Variants in CMIP observed in about 807,000 individuals in gnomAD.
The protein encoded by CMIP is c-Maf inducing protein, also known as C-Maf-inducing protein.
A neutral mutation model predicts 97.3 loss-of-function variants in CMIP; 13 were observed. The ratio of observed to expected loss-of-function variants is 0.13; its 90% CI spans 0.09 to 0.21. The LOEUF is 0.21. CMIP is among the 10% of genes least tolerant of loss of function. The pLI is 1.00. For missense variants in CMIP, 847 were observed against 1,024.9 expected, an observed-to-expected ratio of 0.83 and a Z score of 2.37; for synonymous variants, 538 against 436.3, an observed-to-expected ratio of 1.23 and a Z score of -2.91.
rs1597204171 is a variant in CMIP at position 81,655,515 on chromosome 16, A to G, written c.640-2260A>G. ...CCTCTAATGCAGTGGCTATTGGTGG[A>G]CATGCTCTACCAGGGGTGGAAAATG... On this transcript the variant is annotated intron_variant, in intron 4 of 20. Transcript: ENST00000537098. This position sits in a 1 kb window ranked among gnomAD's most constrained non-coding sequence, Gnocchi z 4.9. Among the ~76,000 whole-genome samples, 1 of 152,178 alleles carries G rather than the reference A, an allele frequency of 6.6e-6. No individual in the cohort carries two copies.
intron 1 of CMIP, among the ~76,000 whole-genome samples, chr16:81,487,349 C>A (rs553894642): frequency 6.6e-6 from 1 of 152,208 alleles, no homozygotes; most frequent in Non-Finnish European, 1.5e-5. Flanking sequence ...CTGAGGAACC[C>A]GCTTCAAACC....
At chr16:81,474,360 A>C (rs1907752538) in intron 1 of CMIP, among the ~76,000 whole-genome samples, 2 of 149,534 alleles carry the variant, frequency 1.3e-5, no homozygotes. Context: ...CTCTTTTTCC[A>C]TTCCTCCCTT....
intron 3 of CMIP, among the ~76,000 whole-genome samples, chr16:81,626,259 G>C (rs1385663409): frequency 1.3e-5 from 2 of 152,146 alleles, no homozygotes; most frequent in Non-Finnish European, 2.9e-5. Flanking sequence ...GTGTGTGTGA[G>C]AGCGAGAGTG....
chr16:81,452,023 T>G (rs531503929), intron 1 of CMIP, among the ~76,000 whole-genome samples: 1 of 151,800 alleles, frequency 6.6e-6, no homozygotes, highest in Admixed American at 6.6e-5. Flanking sequence ...GTGGGGGAGG[T>G]GTTTGCTGTG....
chr16:81,647,765 A>G (rs902042033), intron 3 of CMIP, among the ~76,000 whole-genome samples: 2 of 151,966 alleles, frequency 1.3e-5, no homozygotes, highest in African/African-American at 2.4e-5. Flanking sequence ...AGGCATGCTA[A>G]TTTGTCACCT....
At chr16:81,518,162 C>T (rs938099968) in intron 1 of CMIP, 1 of 152,268 alleles carries the variant, frequency 6.6e-6, no homozygotes, top group Non-Finnish European at 1.5e-5. Context: ...TGGCTAAAGC[C>T]TGTGGATCAT....
chr16:81,620,785 C>G (rs74031223), intron 2 of CMIP, 91 bp from the exon 3 acceptor site: 36,350 of 1,461,278 alleles, frequency 0.025, 1,812 homozygotes, highest in East Asian at 0.19. Context: ...GTCTACAGAG[C>G]AGGCTTGGGG....
intron 1 of CMIP, among the ~76,000 whole-genome samples, chr16:81,500,652 C>T (rs1225204553): frequency 6.6e-6 from 1 of 151,826 alleles, no homozygotes; most frequent in Non-Finnish European, 1.5e-5. Flanking sequence ...CCACATCCAG[C>T]TAATTTTTGT....
At chr16:81,504,706 C>T (rs1191426017) in intron 1 of CMIP, among the ~76,000 whole-genome samples, 2 of 151,320 alleles carry the variant, frequency 1.3e-5, no homozygotes, top group African/African-American at 4.9e-5. Flanking sequence ...CTGCAGCCCA[C>T]CTGTGCTGTG....
chr16:81,549,989 T>G (rs1334970922), intron 1 of CMIP, among the ~76,000 whole-genome samples: 1 of 152,234 alleles, frequency 6.6e-6, no homozygotes, highest in East Asian at 1.9e-4. Flanking sequence ...ATGTGCATAT[T>G]TAAATGCGCT....
intron 1 of CMIP, among the ~76,000 whole-genome samples, chr16:81,528,483 G>T (rs2090173805): frequency 2.6e-5 from 4 of 152,210 alleles, no homozygotes; most frequent in Admixed American, 2.6e-4. Context: ...GTGGAGCGTG[G>T]AGCTGGTTCC....
At chr16:81,519,668 T>A (rs1256428298) in intron 1 of CMIP, 1 of 152,150 alleles carries the variant, frequency 6.6e-6, no homozygotes, top group Non-Finnish European at 1.5e-5. Context: ...ATCTGTAAAG[T>A]GGGGTTGTTA....
At chr16:81,587,021 G>A (rs1687102702) in intron 1 of CMIP, among the ~76,000 whole-genome samples, 1 of 152,224 alleles carries the variant, frequency 6.6e-6, no homozygotes, top group Non-Finnish European at 1.5e-5. Context: ...GAAAAGTAAA[G>A]AACAGGCTAC....
intron 4 of CMIP, among the ~76,000 whole-genome samples, chr16:81,656,664 G>C (rs572467572): frequency 2.0e-5 from 3 of 152,338 alleles, no homozygotes; most frequent in East Asian, 3.9e-4. Flanking sequence ...TTTAGAGACA[G>C]TCTCGCTCTG....
At chr16:81,452,864 CTTTTGTTTTTTTTTTGTTTTGTTTTT>C (rs1906306652) in intron 1 of CMIP, among the ~76,000 whole-genome samples, 1 of 122,488 alleles carries the variant, frequency 8.2e-6, no homozygotes, top group Non-Finnish European at 1.7e-5. Context: ...TGTGTTTTTT[CTTTTGTTTTTTTTTTGTTTTGTTTTT>C]TTTTTTTTTT....
intron 1 of CMIP, among the ~76,000 whole-genome samples, chr16:81,583,936 A>G (rs1000332536): frequency 6.6e-6 from 1 of 152,182 alleles, no homozygotes; most frequent in African/African-American, 2.4e-5. Context: ...GGAAGCAGGA[A>G]ATAAAGATTG....
At chr16:81,670,090 C>T (rs942138737) in intron 7 of CMIP, 52 bp from the exon 8 acceptor site, 12 of 1,545,236 alleles carry the variant, frequency 7.8e-6, no homozygotes, top group Admixed American at 3.8e-5. Context: ...CTGCCCTGGG[C>T]TCCTGCCCTG....
chr16:81,456,990 C>T (rs1395097910), intron 1 of CMIP, among the ~76,000 whole-genome samples: 4 of 152,134 alleles, frequency 2.6e-5, no homozygotes, highest in Non-Finnish European at 5.9e-5. Context: ...AGCCTCCTCG[C>T]CTGAGACCAC....
At position 81,532,908 on chromosome 16, in the gene CMIP, G is replaced by A. The variant is rs575342084; in HGVS notation, c.301-74659G>A. ...CCTCCCTTACTGATGGTGTGATCTG[G>A]GCTGCCTCCTTGGACACGCCAAGCC... is the stretch of plus-strand genomic sequence containing the variant. On this transcript the variant is annotated intron_variant, in intron 1 of 20. Coordinates refer to ENST00000537098, the MANE Select transcript of CMIP (RefSeq NM_198390.3). 4.6e-5 allele frequency among the ~76,000 whole-genome samples: 7 copies of A among 152,236 alleles called. No individual in the cohort carries two copies. In the South Asian group the frequency reaches 1.5e-3, roughly 32 times the overall value.
Sources: gnomAD v4.1 joint callset for allele counts (sites outside exome capture counted in the v4.1 genomes callset) on GRCh38, gnomAD v4.1.1 for gene constraint, Gnocchi (gnomAD v3.1) non-coding constraint, MANE v1.5 for transcripts, NCBI Gene and HGNC (gene_info 2026-07-23, HGNC 2026-07-21) for gene names.